The following LY6K variants were observed in gnomAD, a reference collection of about 807,000 sequenced individuals.
LY6K encodes the protein lymphocyte antigen 6K.
A neutral mutation model predicts 10.4 loss-of-function variants in LY6K; 9 were observed. That is an observed-to-expected ratio of 0.87 (90% CI 0.52 to 1.52). The LOEUF is 1.52. Ranked by LOEUF, LY6K falls within the 40% of genes most tolerant of loss-of-function variation. The pLI, the probability that LY6K is intolerant of heterozygous loss-of-function variation, is 0.00. For missense variants in LY6K, 217 were observed against 211.7 expected (o/e 1.02, Z -0.15); for synonymous variants, 98 against 83.7 (o/e 1.17, Z -0.94).
intron 2 of LY6K, chr8:142,702,813 G>C (rs1815090880): frequency 8.0e-6 from 12 of 1,498,770 alleles, no homozygotes; most frequent in Non-Finnish European, 1.1e-5. Flanking sequence ...CCCTGTGTTT[G>C]AGAAGTTGAG....
Position 142,703,484 on chromosome 8 carries a change from G to A in LY6K, c.*113G>A, listed in dbSNP as rs1815126481. The stretch of plus-strand genomic sequence containing the variant: ...GATTACCTCTTGGTTTGACTTCCCA[G>A]GGTCTTGGGATGGGAGAGTGGGGAT... On this transcript the variant is annotated 3_prime_UTR_variant, in exon 3 of 3. Coordinates refer to ENST00000292430, the MANE Select transcript of LY6K (RefSeq NM_017527.4). The A allele has an allele frequency of 2.3e-6, 3 of 1,324,858 alleles. No individual in the cohort carries two copies. Among genetic ancestry groups the A allele is most frequent in the Admixed American group, 2.5e-5 (1 of 39,850 alleles). The allele number at this position is 1,324,858 out of a possible 1,614,324, so 82.1% of individuals were successfully genotyped here.
At chr8:142,702,554 C>T (rs1191822905) in intron 2 of LY6K, 4 of 1,535,572 alleles carry the variant, frequency 2.6e-6, no homozygotes, top group Admixed American at 3.9e-5. Context: ...CTCTCCAGCC[C>T]TTCGGTATCC....
At position 142,700,396 on chromosome 8, in the gene LY6K, C is replaced by A; in HGVS notation, c.-132C>A. 1 of 1,345,762 alleles carries A rather than the reference C, an allele frequency of 7.4e-7. No homozygotes were observed. The highest frequency in any genetic ancestry group is 9.5e-7 in the Non-Finnish European group (1 of 1,052,120). 83.4% of individuals were successfully genotyped at this position (1,345,762 alleles called of 1,614,324 possible). ...CCGACAGGCCCCGGCGGGTGGGAGGCGCGCGCCCCGGGGCGGGCGGGGCTC... is the reference window on the plus strand; with the variant it reads ...CCGACAGGCCCCGGCGGGTGGGAGGAGCGCGCCCCGGGGCGGGCGGGGCTC... On this transcript the variant is annotated 5_prime_UTR_variant, in exon 1 of 3. Coordinates refer to ENST00000292430, the MANE Select transcript of LY6K (RefSeq NM_017527.4).
intron 2 of LY6K, chr8:142,702,656 G>A (rs1380966134): frequency 3.9e-6 from 6 of 1,521,658 alleles, no homozygotes; most frequent in East Asian, 4.9e-5. Flanking sequence ...TTTGTACAGT[G>A]ATGTATAAGA....
chr8:142,703,420 A>C lies in LY6K; in HGVS notation c.*49A>C, dbSNP rs782133838. The stretch of plus-strand genomic sequence containing the variant: ...GCCTTCCGGAGCATGGACTCGCTCC[A>C]GACCGTTGTCACCTGTTGCATTAAA... On this transcript the variant is annotated 3_prime_UTR_variant, in exon 3 of 3. Transcript: ENST00000292430. The C allele has an allele frequency of 1.9e-6, 3 of 1,565,732 alleles. No individual in the cohort carries two copies. Among genetic ancestry groups the C allele is most frequent in the Non-Finnish European group, 2.6e-6 (3 of 1,158,128 alleles).
rs1563811392 is a variant in LY6K at position 142,700,679 on chromosome 8, G to C, written c.103+49G>C. 2.1e-6 allele frequency: 3 copies of C among 1,398,074 alleles called. No individual in the cohort carries two copies. The Admixed American group carries it at 9.5e-5, about 44-fold the overall frequency. 86.6% of individuals were successfully genotyped at this position (1,398,074 alleles called of 1,614,324 possible). A position where few individuals can be genotyped will look rare whatever the true frequency, so the allele number is the denominator to read the frequency against. ...GCCACGGGCCGAGAGGACAGGGCCG[G>C]GCGGCGTCTGCCTGGCACCGCGTGG... On this transcript the variant is annotated intron_variant, in intron 1 of 2. Coordinates refer to ENST00000292430, the MANE Select transcript of LY6K (RefSeq NM_017527.4).
chr8:142,701,841 C>G (rs1474044796), intron 2 of LY6K, 128 bp downstream of exon 2: 1 of 639,978 alleles, frequency 1.6e-6, no homozygotes, highest in Non-Finnish European at 2.7e-6. Context: ...TTTTTATTTT[C>G]TGAGACGGAG....
At chr8:142,701,022 A>AGGACCTGGGAGGTGGGT (rs587636180) in intron 1 of LY6K, among the ~76,000 whole-genome samples, 3 of 107,882 alleles carry the variant, frequency 2.8e-5, no homozygotes, top group South Asian at 3.4e-4. Flanking sequence ...GTCGGGGGGC[A>AGGACCTGGGAGGTGGGT]GGACCTGGGA....
intron 2 of LY6K, 21 bp from the exon 3 acceptor site, chr8:142,703,070 T>G: frequency 6.2e-7 from 1 of 1,612,076 alleles, no homozygotes; most frequent in Non-Finnish European, 8.5e-7. Flanking sequence ...TTGCCTTCTC[T>G]CGGTCTTTAT....
intron 1 of LY6K, 103 bp downstream of exon 1, chr8:142,700,733 G>C (rs587616252): frequency 8.2e-7 from 1 of 1,222,466 alleles, no homozygotes; most frequent in Non-Finnish European, 1.1e-6. Flanking sequence ...CGTGAGAACG[G>C]AGCGTTCAGG....
In LY6K at chr8:142,704,734, G is replaced by C. The variant is rs2129943882; in HGVS notation, c.*1363G>C. 1 of 152,244 alleles carries C rather than the reference G, an allele frequency of 6.6e-6. No homozygotes were observed. Among genetic ancestry groups the C allele is most frequent in the East Asian group, 1.9e-4 (1 of 5,194 alleles). The allele number at this position is 152,244 out of a possible 1,614,324, so 9.4% of individuals were successfully genotyped here. ...CCCACCTCTAGGTAGTCATTGCTTT[G>C]CTTGTGCTTTGCCTTCAGGAGTGTA... On this transcript the variant is annotated 3_prime_UTR_variant, in exon 3 of 3. Transcript: ENST00000292430.
rs1243998983 is a variant in LY6K, at chr8:142,700,255, C to T, written c.-273C>T. On this transcript the variant is annotated 5_prime_UTR_variant, in exon 1 of 3. Coordinates refer to ENST00000292430, the MANE Select transcript of LY6K (RefSeq NM_017527.4). ...TCCACACGCGCCTTTCCCAGGGCTC[C>T]CGCGCCCGTTCCTGCCTGGCCGCCG... is the stretch of plus-strand genomic sequence containing the variant. The T allele has an allele frequency of 9.3e-7, 1 of 1,077,408 alleles. No homozygotes were observed. The highest frequency in any genetic ancestry group is 1.2e-6 in the Non-Finnish European group (1 of 857,592). The allele number at this position is 1,077,408 out of a possible 1,614,324, so 66.7% of individuals were successfully genotyped here.
chr8:142,700,503 C>G lies in LY6K; in HGVS notation c.-25C>G. The G allele has an allele frequency of 6.4e-7, 1 of 1,560,250 alleles. No individual in the cohort carries two copies. Among genetic ancestry groups the G allele is most frequent in the Non-Finnish European group, 8.7e-7 (1 of 1,155,986 alleles). On this transcript the variant is annotated 5_prime_UTR_variant, in exon 1 of 3. Transcript: ENST00000292430. ...GCGGGGAGGGGGCGCCGCGCGCTGA[C>G]CCTCCCTGGGCACCGCTGGGGACGA... is the stretch of plus-strand genomic sequence containing the variant.
chr8:142,702,518 T>C (rs1331966437), intron 2 of LY6K: 4 of 1,535,598 alleles, frequency 2.6e-6, no homozygotes, highest in African/African-American at 1.4e-5. Context: ...TCAGGGCTCG[T>C]GAATTCTGAT....
chr8:142,701,340 G>A (rs1377446651), intron 1 of LY6K, among the ~76,000 whole-genome samples: 1 of 152,212 alleles, frequency 6.6e-6, no homozygotes, highest in Non-Finnish European at 1.5e-5. Context: ...TCCAGGAAGC[G>A]TGGTGCTGGC....
chr8:142,702,383 C>G, intron 2 of LY6K: 1 of 964,412 alleles, frequency 1.0e-6, no homozygotes, highest in Non-Finnish European at 1.6e-6. Context: ...AAGGAGGGTG[C>G]ATGCCTTAAA....
At position 142,703,424 on chromosome 8, in the gene LY6K, C is replaced by G; in HGVS notation, c.*53C>G. The G allele has an allele frequency of 1.3e-6, 2 of 1,551,598 alleles. No individual in the cohort carries two copies. Reference sequence around the variant, plus strand: ...TCCGGAGCATGGACTCGCTCCAGACCGTTGTCACCTGTTGCATTAAACTTG... The same window carrying G: ...TCCGGAGCATGGACTCGCTCCAGACGGTTGTCACCTGTTGCATTAAACTTG... On this transcript the variant is annotated 3_prime_UTR_variant, in exon 3 of 3. Coordinates refer to ENST00000292430, the MANE Select transcript of LY6K (RefSeq NM_017527.4).
chr8:142,700,572 G>C lies in LY6K; in HGVS notation c.45G>C (p.Val15=). Reference sequence around the variant, plus strand: ...TGCTGGTCGTGGCCCTACCGCGGGTGTGGACAGACGCCAACCTGACTGCGA... The same window carrying C: ...TGCTGGTCGTGGCCCTACCGCGGGTCTGGACAGACGCCAACCTGACTGCGA... ...ALLLVVALPR[V]WTDANLTARQ... is the part of the protein sequence containing the mutation. Residue 15 remains valine (V), a synonymous_variant, in exon 1 of 3, where the codon GTG becomes GTC. Coordinates refer to ENST00000292430, the MANE Select transcript of LY6K (RefSeq NM_017527.4). 6.3e-7 allele frequency: 1 copy of C among 1,586,194 alleles called. No homozygotes were observed. The highest frequency in any genetic ancestry group is 8.6e-7 in the Non-Finnish European group (1 of 1,168,484).
chr8:142,701,194 C>G (rs587775669), intron 1 of LY6K, among the ~76,000 whole-genome samples: 1 of 152,198 alleles, frequency 6.6e-6, no homozygotes, highest in Non-Finnish European at 1.5e-5. Context: ...GCTGTGCGCT[C>G]ATGTTGTGTG....
Sources: allele counts gnomAD v4.1 joint callset (sites outside exome capture counted in the v4.1 genomes callset), GRCh38; gene constraint gnomAD v4.1.1; transcripts MANE v1.5; gene names NCBI Gene and HGNC (gene_info 2026-07-23, HGNC 2026-07-21).